Variants in TCERG1 observed in about 807,000 individuals in gnomAD.
TCERG1 encodes the protein transcription elongation regulator 1.
In TCERG1, 37 loss-of-function variants were observed where a neutral mutation model predicts 144.7. The ratio of observed to expected loss-of-function variants is 0.26; its 90% CI spans 0.20 to 0.34. The LOEUF (loss-of-function observed/expected upper bound fraction) is 0.34. TCERG1 is among the 10% of genes least tolerant of loss of function. The pLI, the probability that TCERG1 is intolerant of heterozygous loss-of-function variation, is 1.00. For missense variants in TCERG1, 1,027 were observed against 1,380.7 expected, an observed-to-expected ratio of 0.74 and a Z score of 4.06; for synonymous variants, 492 against 458.2, an observed-to-expected ratio of 1.07 and a Z score of -0.94.
rs147937372 is a variant in TCERG1, at chr5:146,478,696, T to C, written c.1762+43T>C. 499 of 1,499,220 alleles carry C rather than the reference T, an allele frequency of 3.3e-4. 2 individuals are homozygous for C. The African/African-American group carries it at 6.3e-3, about 19-fold the overall frequency. 92.9% of individuals were successfully genotyped at this position (1,499,220 alleles called of 1,614,324 possible). ...AATTTATCCACTGATTTTAACATTC[T>C]TTTCATATTTTGATAGAAAATGTGG... is the stretch of plus-strand genomic sequence containing the variant. On this transcript the variant is annotated intron_variant, in intron 10 of 22. Transcript: ENST00000679501.
intron 1 of TCERG1, among the ~76,000 whole-genome samples, chr5:146,452,751 G>A (rs1388042981): frequency 1.3e-5 from 2 of 151,990 alleles, no homozygotes; most frequent in Non-Finnish European, 1.5e-5. Context: ...CACCATGCCC[G>A]GCTAATTTTT....
intron 10 of TCERG1, among the ~76,000 whole-genome samples, chr5:146,479,467 A>T (rs1765150943): frequency 6.6e-6 from 1 of 152,182 alleles, no homozygotes; most frequent in Admixed American, 6.5e-5. Flanking sequence ...TATGATAATA[A>T]TACTTTATAA....
chr5:146,460,809 G>A (rs1215876037), intron 4 of TCERG1, among the ~76,000 whole-genome samples: 2 of 152,148 alleles, frequency 1.3e-5, no homozygotes, highest in Non-Finnish European at 2.9e-5. Flanking sequence ...CTTTTGTAGT[G>A]AAGGTGAATT....
chr5:146,493,984 A>C (rs545956535), intron 16 of TCERG1, among the ~76,000 whole-genome samples: 1 of 152,232 alleles, frequency 6.6e-6, no homozygotes, highest in East Asian at 1.9e-4. Context: ...TTGTTTAAGA[A>C]GAATGTTTAA....
Position 146,507,374 on chromosome 5 carries a change from T to G in TCERG1, c.2961+167T>G. ...AAAAATTATGGTATTCTTATTTATTTAGAAATGCCTATTCTTTGCAGTTTT... is the reference window on the plus strand; with the variant it reads ...AAAAATTATGGTATTCTTATTTATTGAGAAATGCCTATTCTTTGCAGTTTT... On this transcript the variant is annotated intron_variant, in intron 20 of 22. Coordinates refer to ENST00000679501, the MANE Select transcript of TCERG1 (RefSeq NM_001382548.1). This position sits in a 1 kb window ranked among gnomAD's most constrained non-coding sequence, Gnocchi z 4.6. 1.6e-6 allele frequency: 1 copy of G among 619,058 alleles called. No individual in the cohort carries two copies. The allele number at this position is 619,058 out of a possible 1,614,324, so 38.3% of individuals were successfully genotyped here.
chr5:146,465,838 C>T (rs1425830792), intron 5 of TCERG1, among the ~76,000 whole-genome samples: 1 of 151,958 alleles, frequency 6.6e-6, no homozygotes, highest in African/African-American at 2.4e-5. Flanking sequence ...TCGAGACTAG[C>T]CTCAACATGG....
rs192737587 is a variant in TCERG1, at chr5:146,487,422, C to T, written c.2163+3793C>T. Among the ~76,000 whole-genome samples, 343 of 152,170 alleles carry T rather than the reference C, an allele frequency of 2.3e-3. 1 individual carries two copies. The highest frequency in any genetic ancestry group is 3.2e-3 in the Non-Finnish European group (215 of 68,008). On this transcript the variant is annotated intron_variant, in intron 15 of 22. Transcript: ENST00000679501. ...ATTCAGTGCAATCTGTATCAAAATA[C>T]GAGTGACATTCAAAACAGAATGTCA...
intron 9 of TCERG1, among the ~76,000 whole-genome samples, chr5:146,477,692 CTTTTTTTTTT>C (rs1168989847): frequency 5.0e-5 from 4 of 79,388 alleles, no homozygotes; most frequent in African/African-American, 1.0e-4. Flanking sequence ...TGGTACTTTA[CTTTTTTTTTT>C]TTTTTTTTTT....
intron 4 of TCERG1, among the ~76,000 whole-genome samples, chr5:146,463,129 T>C (rs927336552): frequency 6.6e-6 from 1 of 152,246 alleles, no homozygotes; most frequent in African/African-American, 2.4e-5. Flanking sequence ...TTTCACTCAT[T>C]AATTGCTTGC....
At chr5:146,454,032 A>G in intron 1 of TCERG1, among the ~76,000 whole-genome samples, 1 of 83,044 alleles carries the variant, frequency 1.2e-5, no homozygotes, top group South Asian at 5.6e-4. Context: ...ATCTCTACTC[A>G]AATACAAAAA....
rs1159458164 is a variant in TCERG1, at chr5:146,447,422, C to T, written c.59+14C>T. 2 of 1,609,366 alleles carry T rather than the reference C, an allele frequency of 1.2e-6. No homozygotes were observed. Among genetic ancestry groups the T allele is most frequent in the East Asian group, 2.2e-5 (1 of 44,568 alleles). ...GGGGGAGCTCAGGTAAGGAACGCTGCCCTCCTTCACATCTCTGCTCACGAG... is the reference window on the plus strand; with the variant it reads ...GGGGGAGCTCAGGTAAGGAACGCTGTCCTCCTTCACATCTCTGCTCACGAG... On this transcript the variant is annotated intron_variant, in intron 1 of 22. Transcript: ENST00000679501.
At chr5:146,479,355 T>C (rs568774012) in intron 10 of TCERG1, among the ~76,000 whole-genome samples, 2 of 152,152 alleles carry the variant, frequency 1.3e-5, no homozygotes, top group Non-Finnish European at 2.9e-5. Context: ...TTTTCATGCA[T>C]TATATATATG....
At chr5:146,491,318 C>T (rs7714477) in intron 15 of TCERG1, among the ~76,000 whole-genome samples, 4,134 of 151,916 alleles carry the variant, frequency 0.027, 193 homozygotes, top group African/African-American at 0.093. Flanking sequence ...GGTGGGCCCT[C>T]GTGCTTTGGG....
intron 15 of TCERG1, among the ~76,000 whole-genome samples, chr5:146,491,942 A>G (rs1022240332): frequency 8.3e-5 from 12 of 145,256 alleles, no homozygotes; most frequent in African/African-American, 3.0e-4. Flanking sequence ...GTGTCATGAA[A>G]CTTTGTTTTT....
chr5:146,472,862 C>T (rs545969225), intron 9 of TCERG1, among the ~76,000 whole-genome samples: 2 of 152,238 alleles, frequency 1.3e-5, no homozygotes, highest in Admixed American at 6.5e-5. Context: ...TATAGTTACA[C>T]GCCACCACGC....
At chr5:146,482,833 G>A in intron 14 of TCERG1, 106 bp downstream of exon 14, 2 of 1,317,950 alleles carry the variant, frequency 1.5e-6, no homozygotes, top group Admixed American at 3.1e-5. Context: ...TATGGGGGGG[G>A]ATAAGGGGAT....
rs1561647181 is a variant in TCERG1, at chr5:146,463,799, C to T, written c.1135+6C>T. On this transcript the variant is annotated splice_donor_region_variant and intron_variant, in intron 5 of 22. Coordinates refer to ENST00000679501, the MANE Select transcript of TCERG1 (RefSeq NM_001382548.1). ...CATGCCAATTCCACTTCCAGGTAAACCAACAGATTATAATGGTCTTTCCAG... is the reference window on the plus strand; with the variant it reads ...CATGCCAATTCCACTTCCAGGTAAATCAACAGATTATAATGGTCTTTCCAG... The T allele has an allele frequency of 6.2e-7, 1 of 1,614,162 alleles. No homozygotes were observed.
At chr5:146,458,579 T>G (rs1763036799) in intron 3 of TCERG1, among the ~76,000 whole-genome samples, 1 of 152,086 alleles carries the variant, frequency 6.6e-6, no homozygotes, top group South Asian at 2.1e-4. Flanking sequence ...TTCAAGTGAT[T>G]GTTTTGCCTC....
At chr5:146,500,969 C>G (rs1581563249) in intron 17 of TCERG1, among the ~76,000 whole-genome samples, 1 of 147,806 alleles carries the variant, frequency 6.8e-6, no homozygotes, top group Non-Finnish European at 1.5e-5. Flanking sequence ...GATGGTTCCA[C>G]TGCACTCCAG....
Sources: allele counts gnomAD v4.1 joint callset (sites outside exome capture counted in the v4.1 genomes callset), GRCh38; gene constraint gnomAD v4.1.1; non-coding constraint Gnocchi (gnomAD v3.1); transcripts MANE v1.5; gene names NCBI Gene and HGNC (gene_info 2026-07-23, HGNC 2026-07-21).